The following ERO1B variants were observed in gnomAD, a reference collection of about 807,000 sequenced individuals.
ERO1B encodes ERO1-like protein beta.
ERO1B carries 49 observed loss-of-function variants against 75.3 expected under a neutral mutation model. The observed-to-expected ratio is 0.65, with a 90% CI of 0.52 to 0.83. The LOEUF is 0.83. Among genes scored for constraint, ERO1B ranks in the 40% least tolerant of loss-of-function variants. ERO1B has a pLI of 0.00. For synonymous variants in ERO1B, 191 were observed against 192.9 expected (o/e 0.99, Z 0.08); for missense variants, 512 against 560.1 (o/e 0.91, Z 0.87).
intron 2 of ERO1B, among the ~76,000 whole-genome samples, chr1:236,269,188 T>C (rs951280440): frequency 5.9e-5 from 9 of 152,192 alleles, no homozygotes; most frequent in African/African-American, 2.2e-4. Flanking sequence ...TGAGCTGAGA[T>C]TGTGCCACTG....
At chr1:236,245,297 AAT>A (rs35564350) in intron 5 of ERO1B, among the ~76,000 whole-genome samples, 1,153 of 34,848 alleles carry the variant, frequency 0.033, 237 homozygotes, top group African/African-American at 0.089. Context: ...GCCCAGTCAA[AAT>A]ATATATATAT....
chr1:236,244,946 G>C (rs1664803890), intron 5 of ERO1B, among the ~76,000 whole-genome samples: 1 of 151,984 alleles, frequency 6.6e-6, no homozygotes, highest in Admixed American at 6.6e-5. Context: ...GGGAAATGAG[G>C]AGCATAAAAG....
intron 1 of ERO1B, among the ~76,000 whole-genome samples, chr1:236,272,961 AT>A (rs1290622834): frequency 6.6e-6 from 1 of 152,194 alleles, no homozygotes. Context: ...GAATATCATA[AT>A]TTATCCATTC....
chr1:236,220,663 T>C, intron 15 of ERO1B, 169 bp downstream of exon 15: 1 of 522,846 alleles, frequency 1.9e-6, no homozygotes, highest in East Asian at 3.5e-5. Flanking sequence ...CTATGACCTG[T>C]AGAGAAACTG....
chr1:236,218,533 A>G lies in ERO1B; in HGVS notation c.1387T>C (p.Leu463=), dbSNP rs11811758. 10,786 of 1,417,456 alleles carry G rather than the reference A, an allele frequency of 7.6e-3. 705 individuals carry two copies. In the African/African-American group the frequency reaches 0.14, roughly 18 times the overall value. The allele number at this position is 1,417,456 out of a possible 1,614,324, so 87.8% of individuals were successfully genotyped here. A position where few individuals can be genotyped will look rare whatever the true frequency, so the allele number is the denominator to read the frequency against. Residue 463 remains leucine, a synonymous_variant, in exon 16 of 16, where the codon TTA becomes CTA. Transcript: ENST00000354619. ...AGCCTTTATTACCTACTGTGTTGTA[A>G]TAAGACTTTAAAATTCTGTAAGTCT... The part of the protein sequence containing the change: ...IRDLQNFKVL[L]QHSR
At chr1:236,239,075 G>A (rs1664616401) in intron 6 of ERO1B, among the ~76,000 whole-genome samples, 1 of 151,962 alleles carries the variant, frequency 6.6e-6, no homozygotes, top group African/African-American at 2.4e-5. Context: ...TGCTCACCAC[G>A]ACACACAGCT....
At chr1:236,239,839 A>G (rs1322345126) in intron 6 of ERO1B, among the ~76,000 whole-genome samples, 32 of 114,336 alleles carry the variant, frequency 2.8e-4, no homozygotes, top group East Asian at 2.6e-3. Context: ...ATATATGTGT[A>G]TATATATATG....
chr1:236,260,861 A>AAATAAATG (rs1665279140), intron 2 of ERO1B, among the ~76,000 whole-genome samples: 1 of 151,958 alleles, frequency 6.6e-6, no homozygotes, highest in South Asian at 2.1e-4. Flanking sequence ...AAAAATAAAC[A>AAATAAATG]AAGGAAACTA....
At chr1:236,226,869 CTG>C in intron 10 of ERO1B, 130 bp from the exon 11 acceptor site, 2 of 654,204 alleles carry the variant, frequency 3.1e-6, no homozygotes, top group Non-Finnish European at 5.1e-6. Flanking sequence ...TAATATAAAA[CTG>C]ATTAGATCAA....
At chr1:236,236,247 C>A in intron 7 of ERO1B, 31 bp downstream of exon 7, 2 of 1,612,174 alleles carry the variant, frequency 1.2e-6, no homozygotes, top group South Asian at 1.1e-5. Flanking sequence ...CTCTATCAGT[C>A]GTTCCTTCTT....
At chr1:236,274,494 T>C (rs1465839763) in intron 1 of ERO1B, among the ~76,000 whole-genome samples, 1 of 152,178 alleles carries the variant, frequency 6.6e-6, no homozygotes, top group Non-Finnish European at 1.5e-5. Flanking sequence ...TCTGCAGAAA[T>C]CAATACTGCT....
At chr1:236,251,528 A>C (rs934935857) in intron 4 of ERO1B, 19 of 917,634 alleles carry the variant, frequency 2.1e-5, no homozygotes, top group Non-Finnish European at 2.3e-5. Flanking sequence ...ACAGAGAGAG[A>C]GGGTATGATG....
intron 5 of ERO1B, among the ~76,000 whole-genome samples, chr1:236,246,867 T>A (rs1054809302): frequency 1.3e-5 from 2 of 152,206 alleles, no homozygotes; most frequent in African/African-American, 4.8e-5. Flanking sequence ...TTCCACCATA[T>A]GTGTATTATA....
intron 4 of ERO1B, chr1:236,251,356 A>C (rs766627970): frequency 8.6e-6 from 2 of 232,326 alleles, no homozygotes; most frequent in Non-Finnish European, 1.4e-5. Flanking sequence ...TCTGGGAGGA[A>C]GGAATTAGAA....
chr1:236,235,367 T>C (rs1435291487), intron 8 of ERO1B, among the ~76,000 whole-genome samples: 1 of 152,212 alleles, frequency 6.6e-6, no homozygotes, highest in Non-Finnish European at 1.5e-5. Flanking sequence ...TACGAGACAC[T>C]GGCTGTCAAA....
At position 236,245,310 on chromosome 1, in the gene ERO1B, A is replaced by G. The variant is rs1473774342; in HGVS notation, c.432-1815T>C. On this transcript the variant is annotated intron_variant, in intron 5 of 15. Transcript: ENST00000354619. ...ATGCCCAGTCAAAATATATATATAT[A>G]TATATATATATACACACACGTATAT... 0.014 allele frequency among the ~76,000 whole-genome samples: 296 copies of G among 20,926 alleles called. 23 individuals are homozygous for G. In the East Asian group the frequency reaches 0.28, roughly 20 times the overall value. 13.7% of individuals were successfully genotyped at this position (20,926 alleles called of 152,430 possible).
intron 6 of ERO1B, 39 bp from the exon 7 acceptor site, chr1:236,236,437 AC>A: frequency 1.9e-6 from 3 of 1,607,338 alleles, no homozygotes; most frequent in Non-Finnish European, 2.5e-6. Flanking sequence ...TCCATATTTC[AC>A]CATTTATCTA....
Position 236,236,280 on chromosome 1 carries a change from G to C in ERO1B, c.624C>G (p.Phe208Leu), listed in dbSNP as rs1422434349. 3.7e-6 allele frequency: 6 copies of C among 1,607,118 alleles called. No homozygotes were observed. The highest frequency in any genetic ancestry group is 5.1e-6 in the Non-Finnish European group (6 of 1,176,248). The part of the protein sequence containing the change: ...VWNSIYEENC[F>L]KPRSVYRPLN... ...CTTCCCCCACCCCCTCCAGTTACTT[G>C]AAACAGTTCTCTTCATAGATGCTGT... Residue 208 changes from phenylalanine (F) to leucine (L), a missense_variant and splice_region_variant, in exon 7 of 16, where the codon TTC becomes TTG. By Grantham distance (22) the Phe-to-Leu change is conservative (BLOSUM62 0). Coordinates refer to ENST00000354619, the MANE Select transcript of ERO1B (RefSeq NM_019891.4).
intron 6 of ERO1B, among the ~76,000 whole-genome samples, chr1:236,239,742 T>C (rs1486019386): frequency 4.0e-5 from 6 of 150,282 alleles, no homozygotes; most frequent in Non-Finnish European, 7.4e-5. Context: ...TAATTCCTTA[T>C]TCTTGGAATT....
Sources: allele counts gnomAD v4.1 joint callset (sites outside exome capture counted in the v4.1 genomes callset), GRCh38; gene constraint gnomAD v4.1.1; transcripts MANE v1.5; gene names NCBI Gene and HGNC (gene_info 2026-07-23, HGNC 2026-07-21).